Variants in COL14A1 observed in about 807,000 individuals in gnomAD.
The protein encoded by COL14A1 is collagen type XIV alpha 1 chain, also known as collagen alpha-1(XIV) chain.
In COL14A1, 136 loss-of-function variants were observed where a neutral mutation model predicts 230.3. The observed-to-expected ratio is 0.59, with a 90% CI of 0.51 to 0.68. COL14A1 has a LOEUF of 0.68. Ranked by LOEUF, COL14A1 falls within the 30% of genes least tolerant of loss-of-function variation. COL14A1 has a pLI of 0.00. For synonymous variants in COL14A1, 792 were observed against 784.1 expected, an observed-to-expected ratio of 1.01 and a Z score of -0.17; for missense variants, 1,976 against 2,215.8, an observed-to-expected ratio of 0.89 and a Z score of 2.17.
At chr8:120,166,706 A>T (rs546387783) in intron 4 of COL14A1, among the ~76,000 whole-genome samples, 2 of 152,312 alleles carry the variant, frequency 1.3e-5, no homozygotes, top group Admixed American at 1.3e-4. Context: ...TAATTGTGAG[A>T]TGGTAAAATT....
chr8:120,231,422 A>G (rs1369803840), intron 18 of COL14A1, 45 bp from the exon 19 acceptor site: 3 of 1,594,148 alleles, frequency 1.9e-6, no homozygotes, highest in Non-Finnish European at 1.7e-6. Flanking sequence ...ATTTTGGAAT[A>G]TGATATGTTA....
rs370274368 is a variant in COL14A1, at chr8:120,206,974, G to A, written c.1071G>A (p.Thr357=). Residue 357 remains threonine, a synonymous_variant, in exon 10 of 48, where the codon ACG becomes ACA. Coordinates refer to ENST00000297848, the MANE Select transcript of COL14A1 (RefSeq NM_021110.4). Reference sequence around the variant, plus strand: ...CCCATGCCATCACTGGGCCGCCTACGGAGTTGATTACTTCTGAAGTCACTG... The same window carrying A: ...CCCATGCCATCACTGGGCCGCCTACAGAGTTGATTACTTCTGAAGTCACTG... ...ASAHAITGPP[T]ELITSEVTAR... The A allele has an allele frequency of 5.0e-6, 8 of 1,612,680 alleles. No individual in the cohort carries two copies. The highest frequency in any genetic ancestry group is 4.4e-5 in the South Asian group (4 of 90,702).
chr8:120,252,850 G>GC (rs1819018749), intron 22 of COL14A1, among the ~76,000 whole-genome samples: 1 of 152,024 alleles, frequency 6.6e-6, no homozygotes, highest in South Asian at 2.1e-4. Context: ...AGACCCCAGC[G>GC]CCCCCCGATT....
chr8:120,194,578 C>G (rs1816960961), intron 5 of COL14A1, among the ~76,000 whole-genome samples: 1 of 151,930 alleles, frequency 6.6e-6, no homozygotes, highest in African/African-American at 2.4e-5. Context: ...TTTGTATTTC[C>G]AAGTCATTTC....
chr8:120,280,570 AC>A, intron 29 of COL14A1, 140 bp from the exon 30 acceptor site: 1 of 806,478 alleles, frequency 1.2e-6, no homozygotes, highest in Non-Finnish European at 2.0e-6. Flanking sequence ...ACCACAGAAA[AC>A]CATAGTCACA....
At chr8:120,243,786 T>C in intron 19 of COL14A1, 93 bp from the exon 20 acceptor site, 1 of 1,426,836 alleles carries the variant, frequency 7.0e-7, no homozygotes, top group South Asian at 1.2e-5. Flanking sequence ...CTCTTTTCTT[T>C]TGATTATTTC....
At chr8:120,323,502 C>A (rs1185978712) in intron 40 of COL14A1, among the ~76,000 whole-genome samples, 1 of 152,010 alleles carries the variant, frequency 6.6e-6, no homozygotes, top group Non-Finnish European at 1.5e-5. Context: ...GCTCCTATGT[C>A]CTGAATGGTA....
chr8:120,371,998 CCATTTT>C lies in COL14A1; in HGVS notation c.*769_*774del, dbSNP rs1161504175. 4.9e-6 allele frequency: 1 copy of C among 203,664 alleles called. No individual in the cohort carries two copies. Among genetic ancestry groups the C allele is most frequent in the Non-Finnish European group, 9.9e-6 (1 of 101,470 alleles). 12.6% of individuals were successfully genotyped at this position (203,664 alleles called of 1,614,324 possible). On this transcript the variant is annotated 3_prime_UTR_variant, in exon 48 of 48. Coordinates refer to ENST00000297848, the MANE Select transcript of COL14A1 (RefSeq NM_021110.4). ...CAGATAAGTTTTCGCAAACCTATTT[CCATTTT>C]CTTTTGTAAGCAAATAAAACTTTAA...
chr8:120,262,920 C>T lies in COL14A1; in HGVS notation c.2922C>T (p.Phe974=). 6.2e-7 allele frequency: 1 copy of T among 1,613,630 alleles called. No individual in the cohort carries two copies. Among genetic ancestry groups the T allele is most frequent in the Non-Finnish European group, 8.5e-7 (1 of 1,179,824 alleles). Residue 974 remains phenylalanine (F), a synonymous_variant, in exon 24 of 48, where the codon TTC becomes TTT. Coordinates refer to ENST00000297848, the MANE Select transcript of COL14A1 (RefSeq NM_021110.4). ...TVGGGTTRHC[F]YGLQPDSEYK... ...GTGGAGGGACAACCAGGCATTGCTT[C>T]TATGGACTTCAGCCTGATTCTGAAT...
chr8:120,187,958 C>A lies in COL14A1; in HGVS notation c.437-8833C>A, dbSNP rs79684009. Among the ~76,000 whole-genome samples, 453 of 152,282 alleles carry A rather than the reference C, an allele frequency of 3.0e-3. 13 individuals are homozygous for A. The East Asian group carries it at 0.063, about 21-fold the overall frequency. ...TTTGCCACTTCTTAGCTGTGTGACA[C>A]CCTGGACAAATCACACAGCCCTTGT... On this transcript the variant is annotated intron_variant, in intron 5 of 47. Coordinates refer to ENST00000297848, the MANE Select transcript of COL14A1 (RefSeq NM_021110.4).
chr8:120,189,698 T>C (rs1014963214), intron 5 of COL14A1, among the ~76,000 whole-genome samples: 1 of 139,846 alleles, frequency 7.2e-6, no homozygotes, highest in African/African-American at 2.6e-5. Context: ...TGTGTTCTCA[T>C]TGTTCAGTTC....
At chr8:120,338,949 G>A (rs947900513) in intron 42 of COL14A1, among the ~76,000 whole-genome samples, 6 of 152,142 alleles carry the variant, frequency 3.9e-5, no homozygotes, top group Non-Finnish European at 8.8e-5. Context: ...AGGGAAGAAG[G>A]CACAGCCAGT....
chr8:120,144,928 C>A (rs1016042417), intron 1 of COL14A1, among the ~76,000 whole-genome samples: 1 of 151,714 alleles, frequency 6.6e-6, no homozygotes, highest in Non-Finnish European at 1.5e-5. Context: ...AGAAAAAGAT[C>A]AAGTCAGATT....
At chr8:120,136,728 C>T (rs993560727) in intron 1 of COL14A1, among the ~76,000 whole-genome samples, 1 of 151,928 alleles carries the variant, frequency 6.6e-6, no homozygotes, top group African/African-American at 2.4e-5. Flanking sequence ...CTTTGGGCAG[C>T]TGAGGTGGGC....
At chr8:120,174,261 C>CA (rs1168461182) in intron 5 of COL14A1, among the ~76,000 whole-genome samples, 1 of 124,980 alleles carries the variant, frequency 8.0e-6, no homozygotes, top group Non-Finnish European at 1.8e-5. Context: ...TTTGGATTGG[C>CA]ATTTTTTTTT....
At position 120,243,952 on chromosome 8, in the gene COL14A1, T is replaced by C. The variant is rs1478589164; in HGVS notation, c.2423T>C (p.Val808Ala). 1.9e-6 allele frequency: 3 copies of C among 1,613,430 alleles called. No individual in the cohort carries two copies. Among genetic ancestry groups the C allele is most frequent in the South Asian group, 1.1e-5 (1 of 91,044 alleles). The part of the protein sequence containing the change: ...LLPDTEYKVT[V>A]TPIYTDGEGV... ...CCTGATACTGAATACAAAGTCACAG[T>C]GACTCCCATCTACACGGATGGCGAA... Residue 808 changes from valine (V) to alanine (A), a missense_variant, in exon 20 of 48, where the codon GTG becomes GCG. Physicochemically the swap from Val to Ala is moderately conservative, Grantham distance 64. This residue lies in a region of COL14A1 where 1,791 missense variants were observed against 2,019.5 expected (regional missense o/e 0.89). Coordinates refer to ENST00000297848, the MANE Select transcript of COL14A1 (RefSeq NM_021110.4).
chr8:120,290,937 A>G (rs533932981), intron 34 of COL14A1, among the ~76,000 whole-genome samples: 8 of 152,340 alleles, frequency 5.3e-5, no homozygotes, highest in African/African-American at 1.9e-4. Flanking sequence ...AGTATCTTTA[A>G]AAGTTCCTTT....
At chr8:120,328,102 A>C (rs1586868266) in intron 40 of COL14A1, among the ~76,000 whole-genome samples, 4 of 152,292 alleles carry the variant, frequency 2.6e-5, no homozygotes, top group Middle Eastern at 3.4e-3. Flanking sequence ...TGTGTTAAGA[A>C]AGTTTTAGGA....
At chr8:120,216,249 A>G (rs1040023738) in intron 13 of COL14A1, 102 bp from the exon 14 acceptor site, 2 of 881,872 alleles carry the variant, frequency 2.3e-6, no homozygotes, top group Non-Finnish European at 3.4e-6. Context: ...TATCTAGGTG[A>G]CACTTTTCAT....
Sources: gnomAD v4.1 joint callset for allele counts (sites outside exome capture counted in the v4.1 genomes callset) on GRCh38, gnomAD v4.1.1 for gene constraint, gnomAD v4.1.1 regional missense constraint, MANE v1.5 for transcripts, NCBI Gene and HGNC (gene_info 2026-07-23, HGNC 2026-07-21) for gene names.